The following ZFC3H1 variants were observed in gnomAD, a reference collection of about 807,000 sequenced individuals.
ZFC3H1 encodes the protein zinc finger C3H1-type containing.
ZFC3H1 carries 71 observed loss-of-function variants against 243.7 expected under a neutral mutation model. The ratio of observed to expected loss-of-function variants is 0.29; its 90% CI spans 0.24 to 0.36. The LOEUF is 0.36. Among genes scored for constraint, ZFC3H1 ranks in the 10% least tolerant of loss-of-function variants. ZFC3H1 has a pLI of 1.00. For missense variants in ZFC3H1, 1,966 were observed against 2,317.1 expected (o/e 0.85, Z 3.11); for synonymous variants, 838 against 813.0 (o/e 1.03, Z -0.52).
chr12:71,631,874 T>C lies in ZFC3H1; in HGVS notation c.3374A>G (p.Asp1125Gly), dbSNP rs1328383624. ...KVLHGQEISV[D>G]VDFVTAQSKT... ...ACTTTGTGCTGTGACAAAATCCACA[T>C]CTACAGAAATCTCCTGCAAAAGAAA... is the stretch of plus-strand genomic sequence containing the variant. Residue 1125 changes from aspartate to glycine, a missense_variant, in exon 16 of 35, where the codon GAT becomes GGT. Transcript: ENST00000378743. The C allele has an allele frequency of 1.9e-6, 3 of 1,612,430 alleles. No homozygotes were observed. The Admixed American group carries it at 5.0e-5, about 27-fold the overall frequency.
In ZFC3H1 at chr12:71,611,676, A is replaced by ATAT. The variant is rs1555178411; in HGVS notation, c.5729+109_5729+110insATA. On this transcript the variant is annotated intron_variant, in intron 32 of 34. Transcript: ENST00000378743. The stretch of plus-strand genomic sequence containing the variant: ...TCTGTCCAGGAAAAAAAAAAAAAAA[A>ATAT]ATATATATATATATATATATATAGA... 426 of 112,300 alleles carry ATAT rather than the reference A, an allele frequency of 3.8e-3. 1 individual carries two copies. Among genetic ancestry groups the ATAT allele is most frequent in the Non-Finnish European group, 5.5e-3 (328 of 59,544 alleles). The allele number at this position is 112,300 out of a possible 1,614,324, so 7.0% of individuals were successfully genotyped here. A position where few individuals can be genotyped will look rare whatever the true frequency, so the allele number is the denominator to read the frequency against.
chr12:71,626,523 C>T, intron 21 of ZFC3H1, 77 bp from the exon 22 acceptor site: 10 of 1,262,590 alleles, frequency 7.9e-6, no homozygotes, highest in Non-Finnish European at 1.1e-5. Context: ...TCCAATGAGT[C>T]AATTTTAAAA....
intron 1 of ZFC3H1, among the ~76,000 whole-genome samples, chr12:71,659,544 T>C (rs1162447910): frequency 2.6e-5 from 4 of 152,050 alleles, no homozygotes; most frequent in African/African-American, 9.7e-5. Flanking sequence ...ACATCTTACT[T>C]TTCACTGGAG....
At chr12:71,661,243 T>C (rs1385831840) in intron 1 of ZFC3H1, among the ~76,000 whole-genome samples, 1 of 150,396 alleles carries the variant, frequency 6.6e-6, no homozygotes, top group Non-Finnish European at 1.5e-5. Context: ...GAGCTTGCAG[T>C]GAGCCGAGAT....
chr12:71,638,172 G>A (rs1880512023), intron 7 of ZFC3H1, among the ~76,000 whole-genome samples: 1 of 152,048 alleles, frequency 6.6e-6, no homozygotes, highest in Non-Finnish European at 1.5e-5. Flanking sequence ...TGAGAGTAAA[G>A]TGAAGAAGGA....
intron 20 of ZFC3H1, 87 bp downstream of exon 20, chr12:71,628,831 G>A (rs1471348066): frequency 8.4e-6 from 12 of 1,425,438 alleles, no homozygotes; most frequent in Non-Finnish European, 1.0e-5. Context: ...CAGGCAGGCT[G>A]ATACACCAAA....
intron 16 of ZFC3H1, among the ~76,000 whole-genome samples, chr12:71,631,469 A>G (rs1197859253): frequency 6.6e-6 from 1 of 152,158 alleles, no homozygotes; most frequent in African/African-American, 2.4e-5. Flanking sequence ...AAAATTAAAA[A>G]TCAAAAATTA....
At position 71,634,784 on chromosome 12, in the gene ZFC3H1, T is replaced by A. The variant is rs1169844967; in HGVS notation, c.2280A>T (p.Glu760Asp). 1 of 1,608,254 alleles carries A rather than the reference T, an allele frequency of 6.2e-7. No homozygotes were observed. Residue 760 changes from glutamate to aspartate, a missense_variant, in exon 11 of 35, where the codon GAA becomes GAT. Around this residue, in one of 4 missense-constraint regions of ZFC3H1, gnomAD observed 1,383 missense variants for 1,723.7 expected, o/e 0.80. Coordinates refer to ENST00000378743, the MANE Select transcript of ZFC3H1 (RefSeq NM_144982.5). ...CCTCCGGTGTTCGCAGAGGATCATTTTCTTTTTCAGATTTTGGAGGTACTT... is the reference window on the plus strand; with the variant it reads ...CCTCCGGTGTTCGCAGAGGATCATTATCTTTTTCAGATTTTGGAGGTACTT... ...KPKVPPKSEK[E>D]NDPLRTPEAL...
In ZFC3H1 at chr12:71,629,226, C is replaced by G. The variant is rs566216987; in HGVS notation, c.3827-189G>C. Among the ~76,000 whole-genome samples, 4 of 149,142 alleles carry G rather than the reference C, an allele frequency of 2.7e-5. No individual in the cohort carries two copies. The East Asian group carries it at 5.9e-4, about 22-fold the overall frequency. On this transcript the variant is annotated intron_variant, in intron 19 of 34. Transcript: ENST00000378743. ...GGCTGGAGTGCAGTGAGTGCAGTGG[C>G]GCGATCTCAGCTCACTGCAACCTCC... is the stretch of plus-strand genomic sequence containing the variant.
rs757203835 is a variant in ZFC3H1 at position 71,663,442 on chromosome 12, G to C, written c.169C>G (p.Pro57Ala). 1.9e-6 allele frequency: 3 copies of C among 1,612,038 alleles called. No homozygotes were observed. The highest frequency in any genetic ancestry group is 2.5e-6 in the Non-Finnish European group (3 of 1,180,024). The change falls in exon 1 of 35, where the codon CCT becomes GCT. Residue 57 changes from proline to alanine, a missense_variant. Pro to Ala is a conservative substitution (Grantham distance 27). Transcript: ENST00000378743. ...CCACCGCCCCGGGCCGAGTGAGGAG[G>C]CCTTCGCCGCGGATAGGGTAACAGC... ...GGLLPYPRRR[P>A]PHSARGGGSG... is the part of the protein sequence containing the mutation.
At chr12:71,655,105 C>G (rs1592603472) in intron 2 of ZFC3H1, among the ~76,000 whole-genome samples, 1 of 152,210 alleles carries the variant, frequency 6.6e-6, no homozygotes, top group South Asian at 2.1e-4. Context: ...CTCAAGTAAT[C>G]TATAAATTCA....
At chr12:71,631,034 C>T in intron 16 of ZFC3H1, 80 bp from the exon 17 acceptor site, 3 of 1,387,284 alleles carry the variant, frequency 2.2e-6, no homozygotes, top group Non-Finnish European at 2.9e-6. Context: ...GTTTTTCTTT[C>T]TCAAGTTAAA....
At chr12:71,635,938 G>A (rs1228358154) in intron 9 of ZFC3H1, among the ~76,000 whole-genome samples, 1 of 152,048 alleles carries the variant, frequency 6.6e-6, no homozygotes, top group Non-Finnish European at 1.5e-5. Flanking sequence ...CATATAGAGG[G>A]TAAATTGCCA....
Position 71,656,910 on chromosome 12 carries a change from T to C in ZFC3H1, c.990A>G (p.Lys330=), listed in dbSNP as rs746532922. ...VKDGAKPLSL[K]SDTTDSSQGL... ...CTTGACTAGAATCAGTAGTGTCGGATTTCAGGGAAAGTGGTTTTGCTCCAT... is the reference window on the plus strand; with the variant it reads ...CTTGACTAGAATCAGTAGTGTCGGACTTCAGGGAAAGTGGTTTTGCTCCAT... Residue 330 remains lysine (K), a synonymous_variant, in exon 2 of 35, where the codon AAA becomes AAG. Coordinates refer to ENST00000378743, the MANE Select transcript of ZFC3H1 (RefSeq NM_144982.5). 1 of 1,612,766 alleles carries C rather than the reference T, an allele frequency of 6.2e-7. No homozygotes were observed. The highest frequency in any genetic ancestry group is 8.5e-7 in the Non-Finnish European group (1 of 1,179,524).
At position 71,663,359 on chromosome 12, in the gene ZFC3H1, C is replaced by T. The variant is rs750632610; in HGVS notation, c.252G>A (p.Arg84=). Residue 84 remains arginine (R), a synonymous_variant, in exon 1 of 35, where the codon AGG becomes AGA. Transcript: ENST00000378743. ...SSSSSSQQQL[R]NFSRSRHASE... The stretch of plus-strand genomic sequence containing the variant: ...ACGCGTGCCGCGAGCGTGAGAAATT[C>T]CTCAGCTGCTGCTGAGAAGAGGACG... 1.8e-5 allele frequency: 29 copies of T among 1,613,162 alleles called. No homozygotes were observed. The highest frequency in any genetic ancestry group is 2.5e-5 in the Non-Finnish European group (29 of 1,180,038).
intron 24 of ZFC3H1, among the ~76,000 whole-genome samples, chr12:71,623,046 A>G (rs1174677597): frequency 6.6e-6 from 1 of 151,460 alleles, no homozygotes; most frequent in Non-Finnish European, 1.5e-5. Context: ...AAAAAAAAGT[A>G]CCTAGTTCTC....
Position 71,644,291 on chromosome 12 carries a change from G to C in ZFC3H1, c.1307C>G (p.Thr436Arg). 1 of 1,612,788 alleles carries C rather than the reference G, an allele frequency of 6.2e-7. No homozygotes were observed. The highest frequency in any genetic ancestry group is 8.5e-7 in the Non-Finnish European group (1 of 1,179,660). The change falls in exon 5 of 35, where the codon ACA (threonine) becomes AGA (arginine). Residue 436 changes from threonine to arginine, a missense_variant. Transcript: ENST00000378743. ...TTGTTGTAGTTTCTTCCATGCCTTT[G>C]TTTGCTGCTTCCTCAATGCTTGTTT... ...TAKQALRKQQ[T>R]KAWKKLQQQK... is the part of the protein sequence containing the mutation.
rs371293257 is a variant in ZFC3H1, at chr12:71,620,016, G to C, written c.4959C>G (p.Asp1653Glu). Reference protein sequence around the residue: ...VALYLQTNQHDKARAVWLTAF... With the variant: ...VALYLQTNQHEKARAVWLTAF... ...CAGTAAGCCACACTGCTCTGGCTTT[G>C]TCATGCTGATTTGTTTGCAAATATA... The change falls in exon 26 of 35, where the codon GAC becomes GAG. Residue 1653 changes from aspartate (D) to glutamate (E), a missense_variant. By Grantham distance (45) the Asp-to-Glu change is conservative. Around this residue, in one of 4 missense-constraint regions of ZFC3H1, gnomAD observed 1,383 missense variants for 1,723.7 expected, o/e 0.80. Coordinates refer to ENST00000378743, the MANE Select transcript of ZFC3H1 (RefSeq NM_144982.5). 96 of 1,613,390 alleles carry C rather than the reference G, an allele frequency of 6.0e-5. No homozygotes were observed. Among genetic ancestry groups the C allele is most frequent in the Non-Finnish European group, 7.7e-5 (91 of 1,179,864 alleles).
rs756982535 is a variant in ZFC3H1, at chr12:71,636,876, C to T, written c.1909G>A (p.Ala637Thr). 1 of 1,613,776 alleles carries T rather than the reference C, an allele frequency of 6.2e-7. No homozygotes were observed. Among genetic ancestry groups the T allele is most frequent in the African/African-American group, 1.3e-5 (1 of 74,858 alleles). ...TCTGGCTTAAAAGCTCTTTTATTTGCTAGAGATTTAAGTAGTTCTTCTCGA... is the reference window on the plus strand; with the variant it reads ...TCTGGCTTAAAAGCTCTTTTATTTGTTAGAGATTTAAGTAGTTCTTCTCGA... ...LLREELLKSL[A>T]NKRAFKPEET... The change falls in exon 8 of 35, where the codon GCA becomes ACA. Residue 637 changes from alanine to threonine, a missense_variant. By Grantham distance (58) the Ala-to-Thr change is moderately conservative. Around this residue, in one of 4 missense-constraint regions of ZFC3H1, gnomAD observed 1,383 missense variants for 1,723.7 expected, o/e 0.80. Transcript: ENST00000378743.
Sources: allele counts gnomAD v4.1 joint callset (sites outside exome capture counted in the v4.1 genomes callset), GRCh38; gene constraint gnomAD v4.1.1; regional missense constraint gnomAD v4.1.1; transcripts MANE v1.5; gene names NCBI Gene and HGNC (gene_info 2026-07-23, HGNC 2026-07-21).